The following MARCHF6 variants were observed in gnomAD, a reference collection of about 807,000 sequenced individuals.
The protein encoded by MARCHF6 is membrane associated ring-CH-type finger 6.
A neutral mutation model predicts 133.7 loss-of-function variants in MARCHF6; 31 were observed. The ratio of observed to expected loss-of-function variants is 0.23; its 90% CI spans 0.17 to 0.31. The LOEUF (loss-of-function observed/expected upper bound fraction) is 0.31. Ranked by LOEUF, MARCHF6 falls within the 10% of genes least tolerant of loss-of-function variation. MARCHF6 has a pLI of 1.00. For synonymous variants in MARCHF6, 395 were observed against 402.5 expected (o/e 0.98, Z 0.22); for missense variants, 723 against 1,121.6 (o/e 0.64, Z 5.08).
chr5:10,364,683 T>G (rs1259516704), intron 1 of MARCHF6, among the ~76,000 whole-genome samples: 1 of 152,222 alleles, frequency 6.6e-6, no homozygotes, highest in Non-Finnish European at 1.5e-5. Flanking sequence ...CCACAGCTGT[T>G]GGGCAGAATC....
chr5:10,430,145 GGGATTAGCAA>G (rs764133147), intron 25 of MARCHF6, 117 bp downstream of exon 25: 11 of 1,229,744 alleles, frequency 8.9e-6, no homozygotes, highest in Non-Finnish European at 1.2e-5. Flanking sequence ...ACTTGGAGGT[GGGATTAGCAA>G]GGTTTGCTGA....
chr5:10,356,155 AATGTTC>A (rs1735445395), intron 1 of MARCHF6, among the ~76,000 whole-genome samples: 1 of 152,044 alleles, frequency 6.6e-6, no homozygotes, highest in Admixed American at 6.6e-5. Flanking sequence ...ACTAATAAAA[AATGTTC>A]TATTTGTGAA....
chr5:10,419,339 A>G (rs539644669), intron 22 of MARCHF6, among the ~76,000 whole-genome samples: 1 of 152,290 alleles, frequency 6.6e-6, no homozygotes, highest in South Asian at 2.1e-4. Flanking sequence ...GCAAAAAATA[A>G]AATAGGTTTT....
chr5:10,375,324 TG>T (rs1329962645), intron 1 of MARCHF6, among the ~76,000 whole-genome samples: 2 of 152,232 alleles, frequency 1.3e-5, no homozygotes, highest in South Asian at 2.1e-4. Context: ...GAGGGTGTAC[TG>T]GGTCCCCCAG....
In MARCHF6 at chr5:10,433,790, A is replaced by C. The variant is rs899926824; in HGVS notation, c.*106A>C. 13 of 902,702 alleles carry C rather than the reference A, an allele frequency of 1.4e-5. No individual in the cohort carries two copies. The highest frequency in any genetic ancestry group is 2.3e-5 in the Non-Finnish European group (13 of 558,430). 55.9% of individuals were successfully genotyped at this position (902,702 alleles called of 1,614,324 possible). A position where few individuals can be genotyped will look rare whatever the true frequency, so the allele number is the denominator to read the frequency against. ...ATCTCTCAGCGTTGTTTTTAAGTTA[A>C]ATGTATTTGACTTGTGTTCTCAGCA... On this transcript the variant is annotated 3_prime_UTR_variant, in exon 26 of 26. Transcript: ENST00000274140.
At chr5:10,359,568 ATTG>A (rs1735685615) in intron 1 of MARCHF6, among the ~76,000 whole-genome samples, 1 of 152,004 alleles carries the variant, frequency 6.6e-6, no homozygotes, top group South Asian at 2.1e-4. Context: ...CTTTTTTTAA[ATTG>A]TTGTGAATTT....
chr5:10,355,333 T>C (rs1242581231), intron 1 of MARCHF6, among the ~76,000 whole-genome samples: 1 of 152,198 alleles, frequency 6.6e-6, no homozygotes, highest in East Asian at 1.9e-4. Context: ...TTCACATCCT[T>C]TTAGATTCAG....
intron 1 of MARCHF6, among the ~76,000 whole-genome samples, chr5:10,372,299 A>C (rs532173370): frequency 2.0e-5 from 3 of 152,148 alleles, no homozygotes; most frequent in Non-Finnish European, 4.4e-5. Context: ...ATGTCTGTGT[A>C]CTATTGTTAG....
chr5:10,413,331 A>G (rs1047046570), intron 19 of MARCHF6: 2 of 152,204 alleles, frequency 1.3e-5, no homozygotes, highest in African/African-American at 2.4e-5. Context: ...GACAGACTCA[A>G]AAAATGACTT....
intron 1 of MARCHF6, among the ~76,000 whole-genome samples, chr5:10,373,188 GC>G (rs1345749237): frequency 6.6e-6 from 1 of 152,182 alleles, no homozygotes; most frequent in Non-Finnish European, 1.5e-5. Context: ...GCCAAGCAGA[GC>G]CCTGGGGCTT....
In MARCHF6 at chr5:10,417,261, T is replaced by C. The variant is rs199841586; in HGVS notation, c.2149-9T>C. The C allele has an allele frequency of 1.8e-5, 29 of 1,600,438 alleles. No individual in the cohort carries two copies. The Admixed American group carries it at 4.4e-4, about 24-fold the overall frequency. ...CTCTTTAATGATGTGGGCTCCTGTT[T>C]CCTAATAGATCATGAAGACTTTGAT... On this transcript the variant is annotated splice_polypyrimidine_tract_variant and intron_variant, in intron 21 of 25. Transcript: ENST00000274140.
At chr5:10,407,024 G>A (rs1348617474) in intron 16 of MARCHF6, 78 bp from the exon 17 acceptor site, 9 of 754,294 alleles carry the variant, frequency 1.2e-5, no homozygotes, top group Non-Finnish European at 1.8e-5. Flanking sequence ...TATTGCTTGA[G>A]TGTGCTCAGA....
intron 8 of MARCHF6, 44 bp from the exon 9 acceptor site, chr5:10,394,709 C>T: frequency 6.8e-7 from 1 of 1,478,744 alleles, no homozygotes; most frequent in Non-Finnish European, 9.3e-7. Context: ...ATAGAAAGTT[C>T]TGTTGCATCT....
At chr5:10,376,966 GA>G (rs1561108424) in intron 1 of MARCHF6, among the ~76,000 whole-genome samples, 2 of 152,216 alleles carry the variant, frequency 1.3e-5, no homozygotes, top group African/African-American at 4.8e-5. Flanking sequence ...GGCCCTGACA[GA>G]TAGCTGAGAA....
chr5:10,430,235 G>A (rs950089034), intron 25 of MARCHF6, among the ~76,000 whole-genome samples: 6 of 149,726 alleles, frequency 4.0e-5, no homozygotes, highest in Non-Finnish European at 3.0e-5. Flanking sequence ...ATATGGAGTT[G>A]TCATTTATGG....
At chr5:10,375,510 TC>T (rs1736721719) in intron 1 of MARCHF6, among the ~76,000 whole-genome samples, 1 of 152,218 alleles carries the variant, frequency 6.6e-6, no homozygotes, top group South Asian at 2.1e-4. Flanking sequence ...CGGCGCCCAG[TC>T]CCATCGACCA....
chr5:10,394,692 A>G (rs1738069189), intron 8 of MARCHF6, 61 bp from the exon 9 acceptor site: 1 of 1,343,754 alleles, frequency 7.4e-7, no homozygotes. Flanking sequence ...GCTTTTCATA[A>G]ATTAGAATAG....
At chr5:10,378,900 T>A in intron 3 of MARCHF6, 68 bp downstream of exon 3, 1 of 992,248 alleles carries the variant, frequency 1.0e-6, no homozygotes, top group South Asian at 1.4e-5. Flanking sequence ...GTGTTTGATA[T>A]GATCAGTTGA....
rs749334886 is a variant in MARCHF6 at position 10,411,240 on chromosome 5, C to T, written c.1692-93C>T. ...CAAATTCTGTATTATACATTTTCTA[C>T]CCTTAGTAGTAAATATGAAGAAAAT... On this transcript the variant is annotated intron_variant, in intron 18 of 25. Transcript: ENST00000274140. 6.1e-6 allele frequency: 6 copies of T among 982,500 alleles called. No homozygotes were observed. In the Admixed American group the frequency reaches 7.5e-5, roughly 12 times the overall value. 60.9% of individuals were successfully genotyped at this position (982,500 alleles called of 1,614,324 possible).
Sources: gnomAD v4.1 joint callset for allele counts (sites outside exome capture counted in the v4.1 genomes callset) on GRCh38, gnomAD v4.1.1 for gene constraint, MANE v1.5 for transcripts, NCBI Gene and HGNC (gene_info 2026-07-23, HGNC 2026-07-21) for gene names.